Variants in RB1 observed in about 807,000 individuals in gnomAD.
RB1 encodes the protein RB transcriptional corepressor 1, also known as retinoblastoma-associated protein.
A neutral mutation model predicts 135.4 loss-of-function variants in RB1; 18 were observed. The observed-to-expected ratio is 0.13, with a 90% confidence interval of 0.09 to 0.20. The LOEUF (loss-of-function observed/expected upper bound fraction) is 0.20. Ranked by LOEUF, RB1 falls within the 10% of genes least tolerant of loss-of-function variation. The pLI is 1.00. For missense variants in RB1, 868 were observed against 1,110.0 expected (o/e 0.78, Z 3.10); for synonymous variants, 365 against 373.2 (o/e 0.98, Z 0.25).
intron 2 of RB1, among the ~76,000 whole-genome samples, chr13:48,334,450 T>G (rs906459732): frequency 1.3e-5 from 2 of 152,206 alleles, no homozygotes; most frequent in African/African-American, 4.8e-5. Context: ...CCTATTTCTC[T>G]GTAATACCTT....
intron 17 of RB1, among the ~76,000 whole-genome samples, chr13:48,405,629 C>G (rs569763630): frequency 1.3e-5 from 2 of 152,224 alleles, no homozygotes; most frequent in Admixed American, 1.3e-4. Context: ...GAAAGTAGAG[C>G]CTGCAAACCG....
chr13:48,476,280 T>G (rs1043426999), intron 24 of RB1: 1 of 203,348 alleles, frequency 4.9e-6, no homozygotes, highest in Non-Finnish European at 1.0e-5. Context: ...TCATCTCTTA[T>G]CAAATTCTTG....
chr13:48,463,637 T>A, intron 20 of RB1, 94 bp from the exon 21 acceptor site: 1 of 836,586 alleles, frequency 1.2e-6, no homozygotes, highest in Non-Finnish European at 2.1e-6. Context: ...ATTAAACCTT[T>A]CTTTTTTGAG....
chr13:48,457,711 A>G (rs1412947235), intron 19 of RB1, among the ~76,000 whole-genome samples: 1 of 152,192 alleles, frequency 6.6e-6, no homozygotes, highest in African/African-American at 2.4e-5. Flanking sequence ...CAGCGCCCAA[A>G]GTCTGGAGAG....
rs201543570 is a variant in RB1 at position 48,333,726 on chromosome 13, GA to G, written c.265-8865del. On this transcript the variant is annotated intron_variant, in intron 2 of 26. Transcript: ENST00000267163. ...CTGCTTGTTTCTCTGAGCATATGGA[GA>G]AAAAAAAGAAAAAAAAACAAAGAGA... Among the ~76,000 whole-genome samples the G allele has an allele frequency of 0.013, 1,718 of 136,768 alleles. 65 individuals carry two copies. In the East Asian group the frequency reaches 0.14, roughly 11 times the overall value. The allele number at this position is 136,768 out of a possible 152,430, so 89.7% of individuals were successfully genotyped here.
chr13:48,395,930 T>C (rs1948644682), intron 17 of RB1, among the ~76,000 whole-genome samples: 1 of 151,998 alleles, frequency 6.6e-6, no homozygotes, highest in Non-Finnish European at 1.5e-5. Flanking sequence ...CATATAATCG[T>C]CAGATTCACC....
intron 17 of RB1, chr13:48,444,543 A>G (rs972893637): frequency 1.3e-5 from 2 of 152,422 alleles, no homozygotes; most frequent in Non-Finnish European, 2.9e-5. Context: ...ATCAAAGGAA[A>G]CACACTTACC....
chr13:48,381,481 C>T (rs930966228), intron 17 of RB1, 38 bp downstream of exon 17: 6 of 1,583,778 alleles, frequency 3.8e-6, no homozygotes, highest in Non-Finnish European at 5.2e-6. Context: ...CATTCATGTG[C>T]ATATGGCTAA....
At chr13:48,404,751 T>C (rs1948725063) in intron 17 of RB1, among the ~76,000 whole-genome samples, 1 of 151,990 alleles carries the variant, frequency 6.6e-6, no homozygotes. Flanking sequence ...GATCTTAAAC[T>C]CCTGACATCG....
At chr13:48,369,365 T>C (rs1952735331) in intron 11 of RB1, among the ~76,000 whole-genome samples, 1 of 152,234 alleles carries the variant, frequency 6.6e-6, no homozygotes, top group South Asian at 2.1e-4. Flanking sequence ...TTGGATTTTT[T>C]GCAGTAGCCT....
chr13:48,393,194 AC>A (rs745321853), intron 17 of RB1, among the ~76,000 whole-genome samples: 3 of 152,212 alleles, frequency 2.0e-5, no homozygotes, highest in Admixed American at 6.5e-5. Context: ...ACATCCATGC[AC>A]TGATCAGTAC....
intron 2 of RB1, among the ~76,000 whole-genome samples, chr13:48,333,858 G>A (rs533800084): frequency 6.6e-6 from 1 of 151,894 alleles, no homozygotes; most frequent in South Asian, 2.1e-4. Flanking sequence ...GTAAAGTAGT[G>A]AATTAGATAC....
chr13:48,368,440 A>G, intron 10 of RB1, 87 bp from the exon 11 acceptor site: 6 of 1,539,034 alleles, frequency 3.9e-6, no homozygotes, highest in Non-Finnish European at 5.3e-6. Flanking sequence ...TTTATGAGAC[A>G]ACAGAAGCAT....
intron 2 of RB1, among the ~76,000 whole-genome samples, chr13:48,329,874 T>C (rs1226878587): frequency 6.6e-6 from 1 of 152,130 alleles, no homozygotes; most frequent in Non-Finnish European, 1.5e-5. Context: ...ATAGAAAGAA[T>C]GCCTTTATAT....
chr13:48,356,325 C>T lies in RB1; in HGVS notation c.608-3692C>T, dbSNP rs142863241. The stretch of plus-strand genomic sequence containing the variant: ...ATTTTCTAAAACTAGGTTCATATTA[C>T]AGTGCTACCTTTAAAATATAAAAAT... On this transcript the variant is annotated intron_variant, in intron 6 of 26. Transcript: ENST00000267163. Among the ~76,000 whole-genome samples the T allele has an allele frequency of 2.6e-3, 397 of 152,106 alleles. 1 individual carries two copies. Among genetic ancestry groups the T allele is most frequent in the African/African-American group, 9.1e-3 (377 of 41,518 alleles).
intron 4 of RB1, among the ~76,000 whole-genome samples, chr13:48,346,746 T>C (rs745750642): frequency 1.2e-4 from 19 of 152,094 alleles, no homozygotes; most frequent in Non-Finnish European, 2.8e-4. Flanking sequence ...TATGACTGTG[T>C]GTAAGGAAGA....
chr13:48,309,467 A>G (rs1340540749), intron 2 of RB1, among the ~76,000 whole-genome samples: 1 of 152,224 alleles, frequency 6.6e-6, no homozygotes, highest in Non-Finnish European at 1.5e-5. Context: ...GTAAAAAGAG[A>G]GGAATACTGA....
intron 17 of RB1, among the ~76,000 whole-genome samples, chr13:48,419,124 C>T (rs982391825): frequency 2.6e-5 from 4 of 152,162 alleles, no homozygotes; most frequent in Non-Finnish European, 5.9e-5. Context: ...CTAAAACTAA[C>T]CACATGATTG....
chr13:48,328,293 G>C, intron 2 of RB1: 1 of 1,590,582 alleles, frequency 6.3e-7, no homozygotes, highest in Non-Finnish European at 8.6e-7. Context: ...TGCTGCTACT[G>C]AAAGAGTTTT....
Sources: gnomAD v4.1 joint callset for allele counts (sites outside exome capture counted in the v4.1 genomes callset) on GRCh38, gnomAD v4.1.1 for gene constraint, MANE v1.5 for transcripts, NCBI Gene and HGNC (gene_info 2026-07-23, HGNC 2026-07-21) for gene names.